Variants in CAPN8 observed in about 807,000 individuals in gnomAD.
CAPN8 encodes the protein calpain 8.
A neutral mutation model predicts 80.9 loss-of-function variants in CAPN8; 87 were observed. That is an observed-to-expected ratio of 1.07 (90% confidence interval 0.90 to 1.28). The LOEUF is 1.28. CAPN8 is among the 50% of genes most tolerant of loss of function. The pLI, the probability that CAPN8 is intolerant of heterozygous loss-of-function variation, is 0.00. For missense variants in CAPN8, 757 were observed against 702.0 expected (o/e 1.08, Z -0.89); for synonymous variants, 299 against 273.8 (o/e 1.09, Z -0.91).
At chr1:223,655,475 A>G (rs970074888) in intron 1 of CAPN8, among the ~76,000 whole-genome samples, 6 of 152,318 alleles carry the variant, frequency 3.9e-5, no homozygotes, top group African/African-American at 1.4e-4. Flanking sequence ...CCTTTGAACC[A>G]TGGCAGGCAG....
chr1:223,660,968 A>T (rs1263279842), intron 1 of CAPN8, among the ~76,000 whole-genome samples: 5 of 152,176 alleles, frequency 3.3e-5, no homozygotes, highest in African/African-American at 1.2e-4. Context: ...GGAGTTTGAG[A>T]CCAGCCTCGC....
intron 1 of CAPN8, among the ~76,000 whole-genome samples, chr1:223,660,072 A>G (rs1658605245): frequency 6.6e-6 from 1 of 152,188 alleles, no homozygotes; most frequent in African/African-American, 2.4e-5. Context: ...AAAGAGTGGA[A>G]GCTCCAAGCT....
intron 1 of CAPN8, among the ~76,000 whole-genome samples, chr1:223,656,112 C>A (rs1658477936): frequency 6.6e-6 from 1 of 151,266 alleles, no homozygotes; most frequent in African/African-American, 2.4e-5. Context: ...CTATAAGGTG[C>A]TGGCTCCTGC....
At chr1:223,558,730 T>A (rs1001295624) in intron 12 of CAPN8, among the ~76,000 whole-genome samples, 4 of 151,612 alleles carry the variant, frequency 2.6e-5, no homozygotes, top group African/African-American at 7.3e-5. Flanking sequence ...TACTGTATGA[T>A]GTGTGATGTG....
intron 7 of CAPN8, among the ~76,000 whole-genome samples, chr1:223,622,063 C>T (rs562279272): frequency 5.3e-5 from 8 of 152,232 alleles, no homozygotes; most frequent in Middle Eastern, 3.4e-3. Flanking sequence ...GCCTAGGCCT[C>T]CCAAAGTGTT....
intron 16 of CAPN8, among the ~76,000 whole-genome samples, chr1:223,546,897 T>G (rs1344297970): frequency 8.0e-5 from 3 of 37,400 alleles, no homozygotes; most frequent in African/African-American, 2.0e-4. Context: ...TTGTTGTTGT[T>G]GTTGTTGTTG....
intron 11 of CAPN8, among the ~76,000 whole-genome samples, chr1:223,611,202 T>G (rs1254042132): frequency 3.3e-5 from 5 of 152,092 alleles, no homozygotes; most frequent in African/African-American, 1.2e-4. Context: ...TATTTTCCAG[T>G]AGTAATGAGG....
At chr1:223,556,937 G>A (rs1275078147) in intron 13 of CAPN8, among the ~76,000 whole-genome samples, 2 of 152,202 alleles carry the variant, frequency 1.3e-5, no homozygotes, top group African/African-American at 2.4e-5. Context: ...CAACTGAGGC[G>A]AGGGGTAGGA....
chr1:223,612,770 C>G (rs1657064840), intron 10 of CAPN8, among the ~76,000 whole-genome samples: 1 of 152,144 alleles, frequency 6.6e-6, no homozygotes, highest in South Asian at 2.1e-4. Context: ...TTGGAACTAA[C>G]AGAAGGGACT....
In CAPN8 at chr1:223,543,147, G is replaced by T. The variant is rs147084221; in HGVS notation, c.2049C>A (p.Asp683Glu). 6.4e-7 allele frequency: 1 copy of T among 1,551,584 alleles called. No homozygotes were observed. The highest frequency in any genetic ancestry group is 8.7e-7 in the Non-Finnish European group (1 of 1,146,978). ...GCTGAACCATGCCATCCTTGTCTTCGTCCAGAAGGCTGAATAGTTCTAAAA... is the reference window on the plus strand; with the variant it reads ...GCTGAACCATGCCATCCTTGTCTTCTTCCAGAAGGCTGAATAGTTCTAAAA... ...ETLFKLFSLL[D>E]EDKDGMVQLS... Residue 683 changes from aspartate (D) to glutamate (E), a missense_variant, in exon 20 of 21, where the codon GAC becomes GAA. Transcript: ENST00000366872.
chr1:223,548,124 C>T (rs145401573), intron 16 of CAPN8, among the ~76,000 whole-genome samples: 7 of 152,248 alleles, frequency 4.6e-5, no homozygotes, highest in East Asian at 1.9e-4. Flanking sequence ...CCTCCCGTCC[C>T]GCAGTTAATG....
chr1:223,618,485 A>T (rs1245563444), intron 9 of CAPN8, among the ~76,000 whole-genome samples: 1 of 152,178 alleles, frequency 6.6e-6, no homozygotes, highest in Non-Finnish European at 1.5e-5. Context: ...TCAGGCACAA[A>T]CACACAGTGA....
intron 20 of CAPN8, among the ~76,000 whole-genome samples, chr1:223,542,388 C>G (rs982628592): frequency 6.6e-6 from 1 of 152,094 alleles, no homozygotes; most frequent in Non-Finnish European, 1.5e-5. Flanking sequence ...TGTGGGAATC[C>G]ACAGGTCTAT....
chr1:223,665,364 G>A (rs1252170476), intron 1 of CAPN8, 46 bp downstream of exon 1: 5 of 1,463,776 alleles, frequency 3.4e-6, no homozygotes, highest in Non-Finnish European at 4.7e-6. Context: ...CAGATGTAAG[G>A]CCCCTCCACC....
chr1:223,615,461 G>A, intron 10 of CAPN8, among the ~76,000 whole-genome samples: 1 of 152,212 alleles, frequency 6.6e-6, no homozygotes, highest in East Asian at 1.9e-4. Context: ...GTATTCCAGA[G>A]TTCAGAGACA....
chr1:223,557,994 G>A (rs891896844), intron 13 of CAPN8, 137 bp downstream of exon 13: 22 of 392,560 alleles, frequency 5.6e-5, no homozygotes, highest in African/African-American at 4.3e-4. Context: ...GAAGAGACAG[G>A]GACTAGAAAA....
chr1:223,620,312 A>G (rs953671512), intron 7 of CAPN8, 46 bp from the exon 8 acceptor site: 39 of 1,499,156 alleles, frequency 2.6e-5, no homozygotes, highest in Admixed American at 7.9e-5. Context: ...GAGGTTCTAC[A>G]AGCAGGGCAA....
At position 223,629,190 on chromosome 1, in the gene CAPN8, G is replaced by A. The variant is rs150726183; in HGVS notation, c.308-410C>T. ...TGTTAATCCAATCTATGATGTGTAC[G>A]TGTAAGAGTGTGTGTGTGTGTGTGT... On this transcript the variant is annotated intron_variant, in intron 2 of 20. Transcript: ENST00000366872. 9.5e-3 allele frequency among the ~76,000 whole-genome samples: 1,332 copies of A among 139,558 alleles called. 19 individuals are homozygous for A. Among genetic ancestry groups the A allele is most frequent in the Middle Eastern group, 0.026 (7 of 272 alleles). 91.6% of individuals were successfully genotyped at this position (139,558 alleles called of 152,430 possible). A position where few individuals can be genotyped will look rare whatever the true frequency, so the allele number is the denominator to read the frequency against.
chr1:223,625,800 T>C lies in CAPN8; in HGVS notation c.813+5A>G, dbSNP rs757982442. ...TTACCTTCCCCACCTTCCACACAAT[T>C]TTACCTCTTCGACTCCAGTGACAGA... is the stretch of plus-strand genomic sequence containing the variant. On this transcript the variant is annotated splice_donor_5th_base_variant and intron_variant, in intron 6 of 20. Coordinates refer to ENST00000366872, the MANE Select transcript of CAPN8 (RefSeq NM_001143962.2). The C allele has an allele frequency of 3.2e-6, 5 of 1,549,170 alleles. No individual in the cohort carries two copies. Among genetic ancestry groups the C allele is most frequent in the Middle Eastern group, 1.7e-4 (1 of 6,008 alleles).
Sources: allele counts gnomAD v4.1 joint callset (sites outside exome capture counted in the v4.1 genomes callset), GRCh38; gene constraint gnomAD v4.1.1; transcripts MANE v1.5; gene names NCBI Gene and HGNC (gene_info 2026-07-23, HGNC 2026-07-21).